The following PCDH9 variants were observed in gnomAD, a reference collection of about 807,000 sequenced individuals.
PCDH9 encodes protocadherin 9.
Under a neutral mutation model 70.6 loss-of-function variants are expected in PCDH9, and 24 were observed. The observed-to-expected ratio is 0.34, with a 90% confidence interval of 0.25 to 0.48. PCDH9 has a LOEUF of 0.48. PCDH9 is among the 20% of genes least tolerant of loss of function. The probability of loss-of-function intolerance (pLI) is 0.99; values close to 1 mark genes in which losing one functional copy is unlikely to be tolerated. For missense variants in PCDH9, 1,281 were observed against 1,503.6 expected (o/e 0.85, Z 2.45); for synonymous variants, 562 against 558.5 (o/e 1.01, Z -0.09).
At chr13:67,005,066 G>A (rs1396261042) in intron 2 of PCDH9, among the ~76,000 whole-genome samples, 1 of 151,818 alleles carries the variant, frequency 6.6e-6, no homozygotes, top group Non-Finnish European at 1.5e-5. Flanking sequence ...CAGGATAGGA[G>A]AAAGAGAACA....
intron 3 of PCDH9, among the ~76,000 whole-genome samples, chr13:66,840,100 C>G (rs1385738278): frequency 6.6e-6 from 1 of 152,058 alleles, no homozygotes; most frequent in African/African-American, 2.4e-5. Flanking sequence ...TCTGTTCACA[C>G]CATCTCTTCC....
At chr13:67,054,282 T>A (rs1459203753) in intron 2 of PCDH9, among the ~76,000 whole-genome samples, 3 of 152,198 alleles carry the variant, frequency 2.0e-5, no homozygotes, top group Non-Finnish European at 4.4e-5. Context: ...TATTTTCATG[T>A]TTTTAATTTG....
chr13:66,553,443 T>C (rs1027770513), intron 4 of PCDH9, among the ~76,000 whole-genome samples: 7 of 152,226 alleles, frequency 4.6e-5, no homozygotes, highest in African/African-American at 1.7e-4. Context: ...ATATACCATA[T>C]GTACTAAATT....
chr13:66,758,156 G>A (rs1004856472), intron 3 of PCDH9, among the ~76,000 whole-genome samples: 5 of 151,844 alleles, frequency 3.3e-5, no homozygotes, highest in Admixed American at 3.3e-4. Context: ...TCATGGAATG[G>A]TTAAATCTAG....
intron 4 of PCDH9, among the ~76,000 whole-genome samples, chr13:66,459,870 C>T (rs759623415): frequency 3.3e-5 from 5 of 151,904 alleles, no homozygotes; most frequent in Admixed American, 6.6e-5. Flanking sequence ...TCATACACAG[C>T]TCATAACAAA....
At chr13:66,338,269 T>G (rs765545011) in intron 4 of PCDH9, among the ~76,000 whole-genome samples, 1 of 152,084 alleles carries the variant, frequency 6.6e-6, no homozygotes, top group Non-Finnish European at 1.5e-5. Flanking sequence ...GTCTTTCTTA[T>G]GTCTATATTA....
intron 3 of PCDH9, among the ~76,000 whole-genome samples, chr13:66,774,511 T>A (rs954938038): frequency 1.1e-4 from 16 of 152,196 alleles, no homozygotes; most frequent in Non-Finnish European, 2.2e-4. Context: ...ATTTAACATA[T>A]GAGCAAAGCA....
chr13:66,337,677 C>T (rs1420911441), intron 4 of PCDH9, among the ~76,000 whole-genome samples: 2 of 151,926 alleles, frequency 1.3e-5, no homozygotes, highest in East Asian at 3.9e-4. Context: ...ATTTCTGAGT[C>T]TAGGACAAGG....
At chr13:66,854,237 G>A (rs2081358932) in intron 3 of PCDH9, among the ~76,000 whole-genome samples, 1 of 152,054 alleles carries the variant, frequency 6.6e-6, no homozygotes, top group Admixed American at 6.6e-5. Flanking sequence ...ATTTCTTTAA[G>A]CCTTTACTTT....
intron 4 of PCDH9, among the ~76,000 whole-genome samples, chr13:66,528,915 C>T (rs562419750): frequency 6.6e-6 from 1 of 152,116 alleles, no homozygotes; most frequent in South Asian, 2.1e-4. Flanking sequence ...TCTCATTACT[C>T]AATTAATTAT....
At chr13:67,141,567 A>G (rs2087389723) in intron 2 of PCDH9, among the ~76,000 whole-genome samples, 2 of 152,126 alleles carry the variant, frequency 1.3e-5, no homozygotes, top group South Asian at 4.1e-4. Flanking sequence ...CAGCCTCCTG[A>G]GTAGCTGGGA....
At chr13:66,738,134 G>C (rs1345006608) in intron 3 of PCDH9, among the ~76,000 whole-genome samples, 1 of 152,182 alleles carries the variant, frequency 6.6e-6, no homozygotes, top group African/African-American at 2.4e-5. Flanking sequence ...CCAGCACGCA[G>C]CTGGAGATCT....
chr13:66,796,712 A>G (rs2080247592), intron 3 of PCDH9, among the ~76,000 whole-genome samples: 1 of 152,160 alleles, frequency 6.6e-6, no homozygotes, highest in Non-Finnish European at 1.5e-5. Context: ...GAAAATGGTG[A>G]ATAAAATAGT....
In PCDH9 at chr13:67,142,102, C is replaced by A. The variant is rs531083564; in HGVS notation, c.3036+83303G>T. Among the ~76,000 whole-genome samples, 64 of 151,976 alleles carry A rather than the reference C, an allele frequency of 4.2e-4. 1 individual carries two copies. In the South Asian group the frequency reaches 0.013, roughly 31 times the overall value. On this transcript the variant is annotated intron_variant, in intron 2 of 4. Coordinates refer to ENST00000377865, the MANE Select transcript of PCDH9 (RefSeq NM_203487.3). ...AAAAATAATTTTCCTGATATGAGAA[C>A]CTGAGGAAACATGGAAATATCAGAA...
intron 3 of PCDH9, among the ~76,000 whole-genome samples, chr13:66,827,429 A>G (rs905857530): frequency 6.6e-6 from 1 of 152,008 alleles, no homozygotes; most frequent in Non-Finnish European, 1.5e-5. Flanking sequence ...TTGAGGCACT[A>G]TAGAAGGATA....
At chr13:67,050,781 GC>G (rs1265607662) in intron 2 of PCDH9, among the ~76,000 whole-genome samples, 2 of 152,148 alleles carry the variant, frequency 1.3e-5, no homozygotes, top group African/African-American at 4.8e-5. Context: ...TGTCTGACAA[GC>G]AGGAGTGTAT....
chr13:66,754,960 T>G (rs1283556117), intron 3 of PCDH9, among the ~76,000 whole-genome samples: 2 of 149,916 alleles, frequency 1.3e-5, no homozygotes, highest in East Asian at 3.9e-4. Flanking sequence ...AGGGAAAAAA[T>G]TATATGAATT....
chr13:66,520,012 G>A (rs145787282), intron 4 of PCDH9, among the ~76,000 whole-genome samples: 58 of 152,052 alleles, frequency 3.8e-4, no homozygotes, highest in Middle Eastern at 3.4e-3. Flanking sequence ...AATCCAAATC[G>A]GTTCAGGACA....
chr13:67,156,287 CAGA>C (rs1424503066), intron 2 of PCDH9, among the ~76,000 whole-genome samples: 2 of 152,092 alleles, frequency 1.3e-5, no homozygotes, highest in African/African-American at 4.8e-5. Flanking sequence ...AGCGGATCAG[CAGA>C]AGAAGATAGA....
Sources: gnomAD v4.1 joint callset for allele counts (sites outside exome capture counted in the v4.1 genomes callset) on GRCh38, gnomAD v4.1.1 for gene constraint, MANE v1.5 for transcripts, NCBI Gene and HGNC (gene_info 2026-07-23, HGNC 2026-07-21) for gene names.